Variants in ARHGEF3 observed in about 807,000 individuals in gnomAD.
ARHGEF3 encodes 59.8 kDA protein.
Under a neutral mutation model 63.2 loss-of-function variants are expected in ARHGEF3, and 28 were observed. That is an observed-to-expected ratio of 0.44 (90% CI 0.33 to 0.61). The LOEUF (loss-of-function observed/expected upper bound fraction) is 0.61, where lower values mean the gene tolerates loss of function less well. Among genes scored for constraint, ARHGEF3 ranks in the 20% least tolerant of loss-of-function variants. ARHGEF3 has a pLI of 0.03. For synonymous variants in ARHGEF3, 266 were observed against 254.2 expected (o/e 1.05, Z -0.44); for missense variants, 533 against 659.3 (o/e 0.81, Z 2.10).
intron 3 of ARHGEF3, among the ~76,000 whole-genome samples, chr3:56,947,301 C>G (rs1699559312): frequency 6.6e-6 from 1 of 152,160 alleles, no homozygotes; most frequent in Non-Finnish European, 1.5e-5. Flanking sequence ...TGTAAATGGG[C>G]TAAATGCTCC....
chr3:56,805,699 G>T (rs985806215), upstream of ARHGEF3, among the ~76,000 whole-genome samples: 2 of 152,082 alleles, frequency 1.3e-5, no homozygotes, highest in Non-Finnish European at 2.9e-5. Flanking sequence ...AATACACAGG[G>T]CTACACAACA....
Position 56,944,699 on chromosome 3 carries a change from C to T in ARHGEF3, c.129+14124G>A, listed in dbSNP as rs528113228. Among the ~76,000 whole-genome samples, 292 of 150,450 alleles carry T rather than the reference C, an allele frequency of 1.9e-3. 1 individual carries two copies. The Middle Eastern group carries it at 0.021, about 11-fold the overall frequency. On this transcript the variant is annotated intron_variant, in intron 3 of 12. Coordinates refer to the ARHGEF3 transcript ENST00000338458. ...ACAAGCAATTCTCCTGCCTCAGCCTCCCAAGTAGCTGGGACGACAGGCACC... is the reference window on the plus strand; with the variant it reads ...ACAAGCAATTCTCCTGCCTCAGCCTTCCAAGTAGCTGGGACGACAGGCACC...
intron 2 of ARHGEF3, among the ~76,000 whole-genome samples, chr3:56,978,872 G>A (rs751747662): frequency 6.6e-6 from 1 of 152,174 alleles, no homozygotes; most frequent in Non-Finnish European, 1.5e-5. Context: ...AAAGCCCCTT[G>A]AGGCTGGGTA....
chr3:56,876,524 A>C (rs534079593), intron 4 of ARHGEF3, among the ~76,000 whole-genome samples: 2 of 152,272 alleles, frequency 1.3e-5, no homozygotes, highest in South Asian at 4.1e-4. Flanking sequence ...TGCCATGTGG[A>C]TTTCTGTGTA....
rs140057476 is a variant in ARHGEF3 at position 56,936,115 on chromosome 3, T to G, written c.129+22708A>C. 8.9e-4 allele frequency among the ~76,000 whole-genome samples: 135 copies of G among 152,224 alleles called. 2 individuals are homozygous for G. The East Asian group carries it at 0.025, about 29-fold the overall frequency. ...AAAAACTGATCCAATTGAAGTTTTC[T>G]TAGGGATTTGGGGATGGGGAACCTG... is the stretch of plus-strand genomic sequence containing the variant. On this transcript the variant is annotated intron_variant, in intron 3 of 12. Coordinates refer to the ARHGEF3 transcript ENST00000338458.
At chr3:56,765,501 C>T (rs1181258657) in intron 2 of ARHGEF3, among the ~76,000 whole-genome samples, 1 of 152,158 alleles carries the variant, frequency 6.6e-6, no homozygotes, top group Non-Finnish European at 1.5e-5. Context: ...GACCTTGGAC[C>T]AAGGGACAAA....
At chr3:56,881,293 T>C (rs1465875848) in intron 4 of ARHGEF3, among the ~76,000 whole-genome samples, 1 of 152,002 alleles carries the variant, frequency 6.6e-6, no homozygotes, top group Non-Finnish European at 1.5e-5. Flanking sequence ...CTCATAAGAG[T>C]AGCTTTCATG....
At chr3:56,958,994 T>C in intron 2 of ARHGEF3, 1 of 1,230,960 alleles carries the variant, frequency 8.1e-7, no homozygotes, top group Non-Finnish European at 1.2e-6. Flanking sequence ...CCTCAAGAAA[T>C]GGCCCAAACA....
At chr3:57,000,966 G>T (rs1372378735) in intron 2 of ARHGEF3, among the ~76,000 whole-genome samples, 2 of 151,820 alleles carry the variant, frequency 1.3e-5, no homozygotes, top group South Asian at 2.1e-4. Flanking sequence ...TAGAGACAGG[G>T]TCTTGCTTTG....
At chr3:56,995,251 C>G (rs905692004) in intron 2 of ARHGEF3, among the ~76,000 whole-genome samples, 1 of 151,972 alleles carries the variant, frequency 6.6e-6, no homozygotes, top group African/African-American at 2.4e-5. Flanking sequence ...TGAGCTGAGG[C>G]CGGCGTCTGG....
chr3:56,808,017 G>A (rs999745405), intron 4 of ARHGEF3, among the ~76,000 whole-genome samples: 51 of 152,092 alleles, frequency 3.4e-4, no homozygotes, highest in Non-Finnish European at 5.3e-4. Context: ...CTAGATACTC[G>A]GGAGGCTGAG....
chr3:56,830,105 G>C (rs1294858243), intron 4 of ARHGEF3, among the ~76,000 whole-genome samples: 1 of 152,148 alleles, frequency 6.6e-6, no homozygotes, highest in Non-Finnish European at 1.5e-5. Flanking sequence ...GCAGAGCTGG[G>C]GTTTCAATAC....
rs1231952949 is a variant in ARHGEF3, at chr3:57,055,528, T to C, written c.-27-20352A>G. On this transcript the variant is annotated intron_variant, in intron 1 of 12. Transcript: ENST00000338458. ...GCCTCATCTCATGTAGAAATTCTTC[T>C]TTATTATCTTCTAGAAACTCCATTG... Among the ~76,000 whole-genome samples, 6 of 151,960 alleles carry C rather than the reference T, an allele frequency of 3.9e-5. No individual in the cohort carries two copies. In the East Asian group the frequency reaches 1.2e-3, roughly 29 times the overall value.
At chr3:56,776,545 C>T in intron 1 of ARHGEF3, among the ~76,000 whole-genome samples, 1 of 152,168 alleles carries the variant, frequency 6.6e-6, no homozygotes, top group East Asian at 1.9e-4. Context: ...TGGTGTTCTC[C>T]TTGAGGCCTT....
chr3:57,039,341 A>T (rs1205986106), intron 1 of ARHGEF3, among the ~76,000 whole-genome samples: 1 of 152,208 alleles, frequency 6.6e-6, no homozygotes, highest in Non-Finnish European at 1.5e-5. Flanking sequence ...CAGCACTCTC[A>T]TATACTGCTG....
chr3:56,751,203 G>A, intron 5 of ARHGEF3, 71 bp from the exon 6 acceptor site: 1 of 1,562,076 alleles, frequency 6.4e-7, no homozygotes, highest in Non-Finnish European at 8.8e-7. Context: ...TAGGTTCTGG[G>A]TTATTCACAT....
chr3:56,901,240 G>T (rs1170907650), intron 3 of ARHGEF3, among the ~76,000 whole-genome samples: 1 of 152,076 alleles, frequency 6.6e-6, no homozygotes, highest in African/African-American at 2.4e-5. Context: ...ATGAATAAAG[G>T]CCCTTTCATT....
intron 4 of ARHGEF3, among the ~76,000 whole-genome samples, chr3:56,827,194 A>G (rs9861033): frequency 0.53 from 80,119 of 152,014 alleles, 21,580 homozygotes; most frequent in Non-Finnish European, 0.57. Context: ...GACAAATGAC[A>G]AACTGGGAAA....
At chr3:56,922,685 G>A (rs141916385) in intron 3 of ARHGEF3, among the ~76,000 whole-genome samples, 1 of 152,154 alleles carries the variant, frequency 6.6e-6, no homozygotes, top group African/African-American at 2.4e-5. Flanking sequence ...ATAATTTCTG[G>A]GAAAAACCAT....
Sources: gnomAD v4.1 joint callset for allele counts (sites outside exome capture counted in the v4.1 genomes callset) on GRCh38, gnomAD v4.1.1 for gene constraint, MANE v1.5 for transcripts, NCBI Gene and HGNC (gene_info 2026-07-23, HGNC 2026-07-21) for gene names.